ELL: variants seen among roughly 807,000 people sequenced by gnomAD.
ELL encodes the protein elongation factor for RNA polymerase II.
A neutral mutation model predicts 64.0 loss-of-function variants in ELL; 18 were observed. That is an observed-to-expected ratio of 0.28 (90% confidence interval 0.19 to 0.42). The LOEUF is 0.42. Ranked by LOEUF, ELL falls within the 10% of genes least tolerant of loss-of-function variation. ELL has a pLI of 1.00. For missense variants in ELL, 797 were observed against 870.4 expected, an observed-to-expected ratio of 0.92 and a Z score of 1.06; for synonymous variants, 399 against 376.2, an observed-to-expected ratio of 1.06 and a Z score of -0.70.
chr19:18,479,030 A>C (rs1438633874), intron 1 of ELL, among the ~76,000 whole-genome samples: 1 of 152,204 alleles, frequency 6.6e-6, no homozygotes, highest in Non-Finnish European at 1.5e-5. Context: ...TCCGGCAAAG[A>C]GCACTTCCGG....
intron 1 of ELL, among the ~76,000 whole-genome samples, chr19:18,478,706 C>T (rs889841057): frequency 3.3e-5 from 5 of 152,220 alleles, no homozygotes; most frequent in Non-Finnish European, 5.9e-5. Flanking sequence ...CTGAGCTGTG[C>T]CGAGGCTGGT....
chr19:18,468,436 G>A (rs905261998), intron 2 of ELL, among the ~76,000 whole-genome samples: 3 of 152,136 alleles, frequency 2.0e-5, no homozygotes, highest in African/African-American at 7.2e-5. Flanking sequence ...TCCCAGATGT[G>A]ACTTTTATTC....
At chr19:18,461,036 C>A (rs990067611) in intron 5 of ELL, among the ~76,000 whole-genome samples, 3 of 152,184 alleles carry the variant, frequency 2.0e-5, no homozygotes, top group African/African-American at 7.2e-5. Context: ...TTCTCAAGAG[C>A]AGGCTCCACT....
At chr19:18,451,023 G>A (rs1267120725) in intron 7 of ELL, 48 bp from the exon 8 acceptor site, 2 of 1,477,848 alleles carry the variant, frequency 1.4e-6, no homozygotes, top group Non-Finnish European at 1.8e-6. Flanking sequence ...GAGTGGCTGA[G>A]CAGCAACAGG....
At chr19:18,509,139 T>A (rs969111017) in intron 1 of ELL, among the ~76,000 whole-genome samples, 6 of 151,982 alleles carry the variant, frequency 3.9e-5, no homozygotes, top group Admixed American at 6.6e-5. Flanking sequence ...AGAGTAGCCG[T>A]GAGCAGGAGG....
Position 18,465,405 on chromosome 19 carries a change from T to TG in ELL, c.469+6dup. The TG allele has an allele frequency of 6.3e-7, 1 of 1,589,668 alleles. No individual in the cohort carries two copies. The highest frequency in any genetic ancestry group is 8.6e-7 in the Non-Finnish European group (1 of 1,164,012). Reference sequence around the variant, plus strand: ...TGCCCTACAGCCCTGCCAAACCCACTGCTCACCCAGGTAGCGGCCTCCAGC... The same window carrying TG: ...TGCCCTACAGCCCTGCCAAACCCACTGGCTCACCCAGGTAGCGGCCTCCAGC... On this transcript the variant is annotated splice_region_variant and intron_variant, in intron 4 of 11. Coordinates refer to ENST00000262809, the MANE Select transcript of ELL (RefSeq NM_006532.4).
intron 2 of ELL, among the ~76,000 whole-genome samples, chr19:18,469,324 G>A (rs1408691831): frequency 2.6e-5 from 4 of 152,198 alleles, no homozygotes; most frequent in African/African-American, 4.8e-5. Flanking sequence ...TCTGATTAAC[G>A]GGCTGTTTTG....
At chr19:18,485,916 G>A (rs945428948) in intron 1 of ELL, among the ~76,000 whole-genome samples, 2 of 151,776 alleles carry the variant, frequency 1.3e-5, no homozygotes, top group Non-Finnish European at 2.9e-5. Context: ...AACCCAGGAG[G>A]CAGAGGTGGC....
At chr19:18,452,016 G>T (rs574325511) in intron 6 of ELL, among the ~76,000 whole-genome samples, 21 of 152,330 alleles carry the variant, frequency 1.4e-4, no homozygotes, top group Non-Finnish European at 2.8e-4. Context: ...GAGAACGGAG[G>T]GCCCTGGCCT....
intron 11 of ELL, 92 bp from the exon 12 acceptor site, chr19:18,444,960 C>T (rs1974382077): frequency 7.1e-7 from 1 of 1,400,914 alleles, no homozygotes; most frequent in East Asian, 2.3e-5. Flanking sequence ...AACCAAAAAC[C>T]TGGGCTTGGT....
intron 2 of ELL, among the ~76,000 whole-genome samples, chr19:18,467,259 G>A (rs1315860985): frequency 6.6e-6 from 1 of 152,056 alleles, no homozygotes; most frequent in Non-Finnish European, 1.5e-5. Context: ...CTTCTCCAGA[G>A]GCCCATCCTG....
chr19:18,514,205 C>CT (rs1976084698), intron 1 of ELL, among the ~76,000 whole-genome samples: 1 of 151,864 alleles, frequency 6.6e-6, no homozygotes, highest in African/African-American at 2.4e-5. Context: ...TGGACACCAG[C>CT]TTTTTTCATT....
At chr19:18,469,729 G>T (rs558395405) in intron 2 of ELL, among the ~76,000 whole-genome samples, 2 of 152,250 alleles carry the variant, frequency 1.3e-5, no homozygotes, top group Admixed American at 6.5e-5. Context: ...CCAAAGGCCC[G>T]CTCTGCCCTT....
chr19:18,509,582 T>TGTGCGCGCGC (rs1555739214), intron 1 of ELL, among the ~76,000 whole-genome samples: 11 of 95,536 alleles, frequency 1.2e-4, no homozygotes, highest in African/African-American at 3.3e-4. Flanking sequence ...CCAATGCACG[T>TGTGCGCGCGC]GCGCGCGCGC....
At chr19:18,480,293 T>C (rs1975271573) in intron 1 of ELL, among the ~76,000 whole-genome samples, 1 of 152,220 alleles carries the variant, frequency 6.6e-6, no homozygotes, top group South Asian at 2.1e-4. Context: ...CTGGCAGGAC[T>C]GGAGCAGGAC....
intron 1 of ELL, among the ~76,000 whole-genome samples, chr19:18,511,999 A>G (rs903424965): frequency 2.0e-5 from 3 of 151,984 alleles, no homozygotes; most frequent in African/African-American, 7.3e-5. Flanking sequence ...TACTAAAAAT[A>G]CAAAAATTAG....
intron 6 of ELL, among the ~76,000 whole-genome samples, chr19:18,452,748 G>T (rs950324185): frequency 4.6e-5 from 7 of 152,188 alleles, no homozygotes; most frequent in African/African-American, 1.7e-4. Flanking sequence ...CAGGCAGTTG[G>T]GAAGTTACCT....
At chr19:18,446,118 C>A (rs1163589524) in intron 10 of ELL, 191 bp downstream of exon 10, 2 of 698,192 alleles carry the variant, frequency 2.9e-6, no homozygotes, top group Non-Finnish European at 4.5e-6. Context: ...CCTTCAAGGA[C>A]TCCCACAACA....
At chr19:18,492,630 T>C (rs1975556355) in intron 1 of ELL, among the ~76,000 whole-genome samples, 1 of 152,338 alleles carries the variant, frequency 6.6e-6, no homozygotes, top group South Asian at 2.1e-4. Flanking sequence ...TTTGAGCGAC[T>C]GATAACTCTC....
Sources: allele counts gnomAD v4.1 joint callset (sites outside exome capture counted in the v4.1 genomes callset), GRCh38; gene constraint gnomAD v4.1.1; transcripts MANE v1.5; gene names NCBI Gene and HGNC (gene_info 2026-07-23, HGNC 2026-07-21).